THRAP3: variants seen among roughly 807,000 people sequenced by gnomAD.
The protein encoded by THRAP3 is thyroid hormone receptor-associated protein 3.
THRAP3 carries 16 observed loss-of-function variants against 101.0 expected under a neutral mutation model. That is an observed-to-expected ratio of 0.16 (90% CI 0.11 to 0.24). The LOEUF (loss-of-function observed/expected upper bound fraction) is 0.24, where lower values mean the gene tolerates loss of function less well. Ranked by LOEUF, THRAP3 falls within the 10% of genes least tolerant of loss-of-function variation. The probability of loss-of-function intolerance (pLI) is 1.00; values close to 1 mark genes in which losing one functional copy is unlikely to be tolerated. For synonymous variants in THRAP3, 407 were observed against 422.6 expected (o/e 0.96, Z 0.45); for missense variants, 989 against 1,202.7 (o/e 0.82, Z 2.63).
intron 3 of THRAP3, among the ~76,000 whole-genome samples, chr1:36,284,571 T>A (rs974325483): frequency 1.3e-5 from 2 of 152,220 alleles, no homozygotes; most frequent in African/African-American, 4.8e-5. Flanking sequence ...AACTGCTGAG[T>A]TCTACAGAAT....
upstream of THRAP3, among the ~76,000 whole-genome samples, chr1:36,222,736 C>CA (rs1644911003): frequency 6.6e-6 from 1 of 152,188 alleles, no homozygotes; most frequent in Non-Finnish European, 1.5e-5. Flanking sequence ...AAAGGGGAGC[C>CA]AAAATTATGT....
At chr1:36,266,944 G>A (rs532888803) in intron 2 of THRAP3, among the ~76,000 whole-genome samples, 12 of 151,710 alleles carry the variant, frequency 7.9e-5, no homozygotes, top group Non-Finnish European at 1.3e-4. Flanking sequence ...GCAGTGGCAC[G>A]ATCTTGGCTC....
intron 2 of THRAP3, among the ~76,000 whole-genome samples, chr1:36,281,756 C>T (rs1249504510): frequency 2.0e-5 from 3 of 152,202 alleles, no homozygotes; most frequent in East Asian, 3.9e-4. Context: ...CTTACCACTA[C>T]ATCCAGCTAA....
At chr1:36,245,612 C>G (rs1645221421) in intron 1 of THRAP3, among the ~76,000 whole-genome samples, 1 of 152,152 alleles carries the variant, frequency 6.6e-6, no homozygotes, top group African/African-American at 2.4e-5. Flanking sequence ...CCATCCTGAT[C>G]CATCCCCTTA....
chr1:36,267,441 C>T (rs1277922911), intron 2 of THRAP3, among the ~76,000 whole-genome samples: 2 of 152,068 alleles, frequency 1.3e-5, no homozygotes, highest in Admixed American at 6.6e-5. Flanking sequence ...AACACATGCA[C>T]CAAATAAGAG....
chr1:36,299,492 C>CTTTTT lies in THRAP3; in HGVS notation c.2304-1388_2304-1384dup, dbSNP rs762518758. 1.1e-3 allele frequency among the ~76,000 whole-genome samples: 161 copies of CTTTTT among 146,748 alleles called. 1 individual carries two copies. Among genetic ancestry groups the CTTTTT allele is most frequent in the Middle Eastern group, 3.4e-3 (1 of 292 alleles). Reference sequence around the variant, plus strand: ...CTCAAATTTGAGGCCTTTTGAGAGTCTTTTTTTTTTGTTTTGTTTTGTTTT... The same window carrying CTTTTT: ...CTCAAATTTGAGGCCTTTTGAGAGTCTTTTTTTTTTTTTTTGTTTTGTTTTGTTTT... On this transcript the variant is annotated intron_variant, in intron 9 of 11. Transcript: ENST00000354618.
At chr1:36,248,155 C>T (rs1028328972) in intron 1 of THRAP3, among the ~76,000 whole-genome samples, 3 of 152,168 alleles carry the variant, frequency 2.0e-5, no homozygotes, top group Non-Finnish European at 1.5e-5. Flanking sequence ...GCTGGGATTA[C>T]AGGCATGAGC....
At position 36,276,852 on chromosome 1, in the gene THRAP3, A is replaced by T. The variant is rs556376243; in HGVS notation, c.-31-5681A>T. On this transcript the variant is annotated intron_variant, in intron 2 of 11. Transcript: ENST00000354618. ...AGCCTGGGAAATAGAGGGAGACTCC[A>T]TCTCAAAAAACATAAATAAAGAAAA... 2.6e-5 allele frequency among the ~76,000 whole-genome samples: 4 copies of T among 152,310 alleles called. No individual in the cohort carries two copies. The South Asian group carries it at 8.3e-4, about 32-fold the overall frequency.
intron 1 of THRAP3, among the ~76,000 whole-genome samples, chr1:36,244,215 TTAAC>T (rs992141828): frequency 7.9e-5 from 12 of 152,366 alleles, no homozygotes; most frequent in Non-Finnish European, 1.3e-4. Context: ...TTTATTTTCT[TTAAC>T]TAGGAGAATC....
intron 1 of THRAP3, among the ~76,000 whole-genome samples, chr1:36,230,497 A>G (rs945444495): frequency 1.3e-5 from 2 of 152,076 alleles, no homozygotes; most frequent in African/African-American, 4.8e-5. Flanking sequence ...TCCTGACCTC[A>G]GGTGATCCAC....
chr1:36,274,934 TA>T (rs1407100108), intron 2 of THRAP3, among the ~76,000 whole-genome samples: 1 of 149,782 alleles, frequency 6.7e-6, no homozygotes, highest in Admixed American at 6.6e-5. Context: ...CCCGGCCAAT[TA>T]ATTGATTTTT....
chr1:36,260,715 T>A (rs1380339318), intron 2 of THRAP3, among the ~76,000 whole-genome samples: 3 of 150,056 alleles, frequency 2.0e-5, no homozygotes, highest in African/African-American at 7.4e-5. Context: ...CCAGCTACTC[T>A]GGAGGCTGAG....
intron 1 of THRAP3, among the ~76,000 whole-genome samples, chr1:36,238,696 C>T (rs1449772286): frequency 1.3e-5 from 2 of 152,008 alleles, no homozygotes. Flanking sequence ...GTGAGCTTTT[C>T]GGGCTTTTGT....
intron 2 of THRAP3, among the ~76,000 whole-genome samples, chr1:36,278,072 T>TC (rs1230515887): frequency 6.6e-6 from 1 of 150,538 alleles, no homozygotes; most frequent in African/African-American, 2.4e-5. Context: ...CTTTTTTTTT[T>TC]TTTTTTTTTT....
At chr1:36,241,113 AGGAG>A (rs1452950018) in intron 1 of THRAP3, among the ~76,000 whole-genome samples, 1 of 148,444 alleles carries the variant, frequency 6.7e-6, no homozygotes, top group Non-Finnish European at 1.5e-5. Flanking sequence ...AGGCTGAGGC[AGGAG>A]AATGGCGTGA....
intron 1 of THRAP3, among the ~76,000 whole-genome samples, chr1:36,243,213 T>G (rs1645184949): frequency 6.6e-6 from 1 of 151,748 alleles, no homozygotes; most frequent in Admixed American, 6.6e-5. Flanking sequence ...ATTTTTTTAT[T>G]TTTATTGATC....
intron 6 of THRAP3, 133 bp from the exon 7 acceptor site, chr1:36,292,465 T>G: frequency 1.7e-6 from 1 of 579,482 alleles, no homozygotes; most frequent in Non-Finnish European, 3.1e-6. Context: ...AGAGACGGGG[T>G]TTCACCGTGT....
At chr1:36,213,710 G>C in the THRAP3 span, among the ~76,000 whole-genome samples, 1 of 151,682 alleles carries the variant, frequency 6.6e-6, no homozygotes, top group African/African-American at 2.4e-5. Context: ...AGCCGGGCAT[G>C]GTGGCGTGCG....
At chr1:36,276,523 CAAAAAA>C (rs35609256) in intron 2 of THRAP3, among the ~76,000 whole-genome samples, 2 of 112,772 alleles carry the variant, frequency 1.8e-5, no homozygotes, top group Non-Finnish European at 1.8e-5. Flanking sequence ...GACTCTGTCT[CAAAAAA>C]AAAAAAAAAA....
Sources: allele counts gnomAD v4.1 joint callset (sites outside exome capture counted in the v4.1 genomes callset), GRCh38; gene constraint gnomAD v4.1.1; transcripts MANE v1.5; gene names NCBI Gene and HGNC (gene_info 2026-07-23, HGNC 2026-07-21).